MYH15: variants seen among roughly 807,000 people sequenced by gnomAD.
MYH15 encodes myosin heavy chain 15, also known as myosin-15.
A neutral mutation model predicts 240.5 loss-of-function variants in MYH15; 227 were observed. The observed-to-expected ratio is 0.94, with a 90% CI of 0.85 to 1.05. The LOEUF (loss-of-function observed/expected upper bound fraction) is 1.05, where lower values mean the gene tolerates loss of function less well. MYH15 is among the 50% of genes least tolerant of loss of function. The probability of loss-of-function intolerance (pLI) is 0.00; values close to 1 mark genes in which losing one functional copy is unlikely to be tolerated. For synonymous variants in MYH15, 785 were observed against 796.7 expected, an observed-to-expected ratio of 0.99 and a Z score of 0.25; for missense variants, 2,217 against 2,247.5, an observed-to-expected ratio of 0.99 and a Z score of 0.27.
intron 34 of MYH15, 104 bp downstream of exon 34, chr3:108,398,971 G>T: frequency 1.4e-6 from 2 of 1,458,562 alleles, no homozygotes; most frequent in Non-Finnish European, 1.9e-6. Flanking sequence ...GATTAGATTT[G>T]TTGTCCTCAT....
At chr3:108,537,170 T>G in the MYH15 span, among the ~76,000 whole-genome samples, 9 of 152,194 alleles carry the variant, frequency 5.9e-5, no homozygotes, top group Non-Finnish European at 1.3e-4. Context: ...GATTATAACT[T>G]ACAGAGATGG....
intron 25 of MYH15, among the ~76,000 whole-genome samples, chr3:108,435,857 C>G (rs1417439926): frequency 6.6e-6 from 1 of 151,422 alleles, no homozygotes; most frequent in Non-Finnish European, 1.5e-5. Context: ...CACACACACA[C>G]ACACATCACA....
chr3:108,488,974 AAT>A (rs78854594), intron 9 of MYH15, among the ~76,000 whole-genome samples: 18,252 of 152,156 alleles, frequency 0.12, 1,343 homozygotes, highest in East Asian at 0.39. Context: ...ATAGTAAGAC[AAT>A]ATCTCATTAT....
At chr3:108,536,197 G>A in the MYH15 span, among the ~76,000 whole-genome samples, 5 of 152,136 alleles carry the variant, frequency 3.3e-5, no homozygotes, top group Admixed American at 6.5e-5. Context: ...CCTGGGAGGC[G>A]GAGGTTGCAG....
intron 4 of MYH15, 21 bp downstream of exon 4, chr3:108,500,096 AT>A: frequency 1.9e-6 from 3 of 1,605,034 alleles, no homozygotes; most frequent in Non-Finnish European, 2.6e-6. Context: ...TTTACTTTTC[AT>A]TTTGTAGGGC....
rs2082996979 is a variant in MYH15, at chr3:108,453,898, T to C, written c.2399+108A>G. 3.5e-6 allele frequency: 4 copies of C among 1,153,800 alleles called. No individual in the cohort carries two copies. In the East Asian group the frequency reaches 9.6e-5, roughly 28 times the overall value. The allele number at this position is 1,153,800 out of a possible 1,614,324, so 71.5% of individuals were successfully genotyped here. ...ATTTAAAAATGTTTAAGACCCAGCC[T>C]AAGCAGAGGAGGCAGCTCTTGACCT... On this transcript the variant is annotated intron_variant, in intron 21 of 40. Transcript: ENST00000693548.
intron 2 of MYH15, among the ~76,000 whole-genome samples, chr3:108,503,848 T>C (rs1178197370): frequency 6.6e-6 from 1 of 152,326 alleles, no homozygotes; most frequent in East Asian, 1.9e-4. Flanking sequence ...AACTTGCACA[T>C]GCATGTTCAT....
At chr3:108,431,763 C>T (rs1484907567) in intron 25 of MYH15, among the ~76,000 whole-genome samples, 4 of 152,090 alleles carry the variant, frequency 2.6e-5, no homozygotes, top group African/African-American at 7.2e-5. Flanking sequence ...AAGGAAAATG[C>T]GGAAAGTTTG....
chr3:108,487,369 A>G (rs2083314562), intron 9 of MYH15, among the ~76,000 whole-genome samples: 1 of 152,232 alleles, frequency 6.6e-6, no homozygotes, highest in African/African-American at 2.4e-5. Context: ...GTTAGAAAAC[A>G]AGTCAAATAA....
the MYH15 span, among the ~76,000 whole-genome samples, chr3:108,536,218 T>C: frequency 0.013 from 2,002 of 152,232 alleles, 43 homozygotes; most frequent in African/African-American, 0.046. Flanking sequence ...CCAGCCAAGA[T>C]TGTGCTACTG....
intron 21 of MYH15, among the ~76,000 whole-genome samples, chr3:108,452,659 A>C (rs1298339132): frequency 6.6e-6 from 1 of 152,182 alleles, no homozygotes; most frequent in African/African-American, 2.4e-5. Context: ...GAGTAAGTAA[A>C]GGTATGAAAA....
At position 108,500,548 on chromosome 3, in the gene MYH15, T is replaced by C. The variant is rs377663135; in HGVS notation, c.340-274A>G. ...CTTCTGAAGACAGAGAGGACCCTGA[T>C]GGCAGGACTGCAGAGATTTCAGTAA... is the stretch of plus-strand genomic sequence containing the variant. On this transcript the variant is annotated intron_variant, in intron 3 of 40. Coordinates refer to ENST00000693548, the MANE Select transcript of MYH15 (RefSeq NM_014981.3). Among the ~76,000 whole-genome samples, 119 of 152,208 alleles carry C rather than the reference T, an allele frequency of 7.8e-4. No individual in the cohort carries two copies. The South Asian group carries it at 0.018, about 23-fold the overall frequency.
chr3:108,505,264 T>G (rs1031347570), intron 2 of MYH15, among the ~76,000 whole-genome samples: 1 of 151,886 alleles, frequency 6.6e-6, no homozygotes, highest in Non-Finnish European at 1.5e-5. Context: ...GTAAGTGGAG[T>G]TTTTTTGTTT....
chr3:108,408,033 C>T (rs2082559196), intron 32 of MYH15, among the ~76,000 whole-genome samples: 1 of 152,222 alleles, frequency 6.6e-6, no homozygotes, highest in African/African-American at 2.4e-5. Context: ...CCTGTTTTTA[C>T]TACAATCAGG....
In MYH15 at chr3:108,527,176, C is replaced by G. The variant is rs1010962875; in HGVS notation, c.-58+2087G>C. ...CAAGCTCCCTGTTGATGCTACTTGT[C>G]TGGGGGATCTCACTTTGAGAACTAC... On this transcript the variant is annotated intron_variant, in intron 1 of 41. Transcript: ENST00000273353. 2.2e-4 allele frequency among the ~76,000 whole-genome samples: 34 copies of G among 152,092 alleles called. 1 individual carries two copies. Among genetic ancestry groups the G allele is most frequent in the Non-Finnish European group, 4.0e-4 (27 of 68,010 alleles).
chr3:108,436,625 G>A (rs1469213370), intron 25 of MYH15, among the ~76,000 whole-genome samples: 4 of 152,128 alleles, frequency 2.6e-5, no homozygotes, highest in East Asian at 1.9e-4. Flanking sequence ...TGCAACCTCC[G>A]ACTCCTGGGT....
intron 37 of MYH15, 48 bp downstream of exon 37, chr3:108,391,712 G>A: frequency 1.3e-6 from 2 of 1,567,008 alleles, no homozygotes; most frequent in Non-Finnish European, 1.7e-6. Context: ...GGACAAAGAG[G>A]TCTTGAATTG....
intron 29 of MYH15, among the ~76,000 whole-genome samples, chr3:108,415,813 G>T (rs2082628531): frequency 6.6e-6 from 1 of 152,138 alleles, no homozygotes; most frequent in African/African-American, 2.4e-5. Context: ...AATGAGGGAA[G>T]CAGATGTAGG....
In MYH15 at chr3:108,528,615, G is replaced by A. The variant is rs113519621; in HGVS notation, c.-58+648C>T. Among the ~76,000 whole-genome samples the A allele has an allele frequency of 5.9e-3, 895 of 152,272 alleles. 5 individuals carry two copies. Among genetic ancestry groups the A allele is most frequent in the African/African-American group, 0.018 (736 of 41,554 alleles). On this transcript the variant is annotated intron_variant, in intron 1 of 41. Transcript: ENST00000273353. ...TAAACTCCCACTGAGTGTGCAGAAA[G>A]ATGATCTAAGTTCTTGTGTTTACAC...
Sources: allele counts gnomAD v4.1 joint callset (sites outside exome capture counted in the v4.1 genomes callset), GRCh38; gene constraint gnomAD v4.1.1; transcripts MANE v1.5; gene names NCBI Gene and HGNC (gene_info 2026-07-23, HGNC 2026-07-21).